Variants in MAPRE2 observed in about 807,000 individuals in gnomAD.
MAPRE2 encodes microtubule associated protein RP/EB family member 2, also known as microtubule-associated protein RP/EB family member 2.
MAPRE2 carries 13 observed loss-of-function variants against 43.2 expected under a neutral mutation model. That is an observed-to-expected ratio of 0.30 (90% CI 0.20 to 0.48). The LOEUF (loss-of-function observed/expected upper bound fraction) is 0.48. MAPRE2 is among the 20% of genes least tolerant of loss of function. The probability of loss-of-function intolerance (pLI) is 0.99; values close to 1 mark genes in which losing one functional copy is unlikely to be tolerated. For missense variants in MAPRE2, 161 were observed against 400.2 expected (o/e 0.40, Z 5.10); for synonymous variants, 135 against 148.8 (o/e 0.91, Z 0.68).
chr18:35,110,435 T>C (rs568358715), intron 4 of MAPRE2, among the ~76,000 whole-genome samples: 4 of 152,294 alleles, frequency 2.6e-5, no homozygotes, highest in South Asian at 2.1e-4. Flanking sequence ...AGAAAACTTA[T>C]GTGGTTCACA....
At chr18:34,978,598 A>C in intron 1 of MAPRE2, 1 of 1,493,606 alleles carries the variant, frequency 6.7e-7, no homozygotes, top group Non-Finnish European at 9.1e-7. Flanking sequence ...AATTTGGCCA[A>C]ATTTTTATCA....
At chr18:35,092,317 G>A (rs746723157) in intron 2 of MAPRE2, among the ~76,000 whole-genome samples, 38 of 152,268 alleles carry the variant, frequency 2.5e-4, no homozygotes, top group Non-Finnish European at 3.7e-4. Flanking sequence ...AAATCCACAC[G>A]TTTGTAGCCA....
At chr18:34,986,481 G>A (rs993366349) in intron 1 of MAPRE2, among the ~76,000 whole-genome samples, 14 of 152,132 alleles carry the variant, frequency 9.2e-5, no homozygotes, top group African/African-American at 3.1e-4. Flanking sequence ...GGTTCTTCCC[G>A]GGAAAGACGC....
Position 35,141,567 on chromosome 18 carries a change from A to C in MAPRE2, c.*1198A>C, listed in dbSNP as rs571391942. 6.6e-6 allele frequency: 1 copy of C among 152,342 alleles called. No homozygotes were observed. The highest frequency in any genetic ancestry group is 1.5e-5 in the Non-Finnish European group (1 of 68,028). The allele number at this position is 152,342 out of a possible 1,614,324, so 9.4% of individuals were successfully genotyped here. On this transcript the variant is annotated 3_prime_UTR_variant, in exon 7 of 7. Transcript: ENST00000300249. ...CTTAGCTAAACCATGGCAATTCATA[A>C]ATAGAGGAAACATTAATGAATTAAA...
chr18:35,029,107 T>C (rs772296963), intron 2 of MAPRE2, among the ~76,000 whole-genome samples: 12 of 152,246 alleles, frequency 7.9e-5, no homozygotes, highest in Non-Finnish European at 1.8e-4. Context: ...GCTTGGTGTC[T>C]AAGCACTTGA....
At position 35,017,246 on chromosome 18, in the gene MAPRE2, T is replaced by TG. The variant is rs1158046826; in HGVS notation, c.-8+11693_-8+11694insG. Among the ~76,000 whole-genome samples, 47 of 12,808 alleles carry TG rather than the reference T, an allele frequency of 3.7e-3. No homozygotes were observed. The Middle Eastern group carries it at 0.17, about 45-fold the overall frequency. The allele number at this position is 12,808 out of a possible 152,430, so 8.4% of individuals were successfully genotyped here. ...AATGTGATGCCTCCGGTTTTGTTGT[T>TG]TTTTTTTTTTTTTTTTGCATAGGAT... On this transcript the variant is annotated intron_variant, in intron 2 of 7. Transcript: ENST00000413393.
intron 1 of MAPRE2, among the ~76,000 whole-genome samples, chr18:35,005,108 T>C (rs992382978): frequency 6.6e-6 from 1 of 152,148 alleles, no homozygotes; most frequent in Non-Finnish European, 1.5e-5. Flanking sequence ...TAATTGATGT[T>C]GGTATTTGAT....
chr18:35,029,608 T>C (rs1036908898), intron 2 of MAPRE2, among the ~76,000 whole-genome samples: 2 of 152,218 alleles, frequency 1.3e-5, no homozygotes, highest in Non-Finnish European at 2.9e-5. Flanking sequence ...GTTAGTTGAT[T>C]TTTAAGAACC....
At chr18:34,987,277 A>T (rs1243344015) in intron 1 of MAPRE2, among the ~76,000 whole-genome samples, 1 of 152,238 alleles carries the variant, frequency 6.6e-6, no homozygotes, top group Non-Finnish European at 1.5e-5. Context: ...TCAAAGTGAG[A>T]TTCCAAGTGA....
intron 1 of MAPRE2, among the ~76,000 whole-genome samples, chr18:34,997,294 T>C (rs964965170): frequency 6.6e-6 from 1 of 152,150 alleles, no homozygotes; most frequent in Non-Finnish European, 1.5e-5. Flanking sequence ...TTCCATAGCA[T>C]TTAGGGGATC....
At chr18:35,071,899 T>G (rs533825054) in intron 2 of MAPRE2, among the ~76,000 whole-genome samples, 1 of 152,344 alleles carries the variant, frequency 6.6e-6, no homozygotes, top group South Asian at 2.1e-4. Flanking sequence ...TGCCTAGGTC[T>G]CAGACATGAA....
chr18:35,050,505 G>A (rs1201001965), intron 1 of MAPRE2, among the ~76,000 whole-genome samples: 1 of 152,222 alleles, frequency 6.6e-6, no homozygotes, highest in Non-Finnish European at 1.5e-5. Context: ...GAAGCTGCCT[G>A]TGTGTTTTGT....
chr18:35,069,247 A>G (rs544733872), intron 1 of MAPRE2, among the ~76,000 whole-genome samples: 2 of 152,370 alleles, frequency 1.3e-5, no homozygotes, highest in East Asian at 3.9e-4. Flanking sequence ...TAAAGAATGT[A>G]TCAAAGAATC....
intron 1 of MAPRE2, among the ~76,000 whole-genome samples, chr18:35,042,145 TTGATGGAG>T (rs1905401132): frequency 1.3e-5 from 2 of 152,160 alleles, no homozygotes; most frequent in Admixed American, 6.5e-5. Flanking sequence ...AACCGCCAGA[TTGATGGAG>T]CTTTGTAAGA....
chr18:35,063,318 A>G (rs548332665), intron 1 of MAPRE2, among the ~76,000 whole-genome samples: 33 of 152,126 alleles, frequency 2.2e-4, no homozygotes, highest in Non-Finnish European at 3.7e-4. Context: ...CGTGTTAGCC[A>G]GGATGGTCTT....
intron 4 of MAPRE2, among the ~76,000 whole-genome samples, chr18:35,117,938 A>G (rs182765682): frequency 6.6e-6 from 1 of 152,234 alleles, no homozygotes; most frequent in South Asian, 2.1e-4. Context: ...GCTTTCCTGC[A>G]TTTTTCCCCC....
intron 4 of MAPRE2, among the ~76,000 whole-genome samples, chr18:35,102,653 A>G (rs1350346541): frequency 6.6e-6 from 1 of 152,182 alleles, no homozygotes; most frequent in East Asian, 1.9e-4. Context: ...ACATTCAGCA[A>G]TACCCTATTT....
intron 4 of MAPRE2, among the ~76,000 whole-genome samples, chr18:35,108,745 T>C (rs1213489317): frequency 6.6e-6 from 1 of 151,990 alleles, no homozygotes; most frequent in African/African-American, 2.4e-5. Flanking sequence ...TTTTTTTTTT[T>C]CATATGTTTG....
chr18:35,082,723 G>A (rs1907701953), intron 2 of MAPRE2, among the ~76,000 whole-genome samples: 1 of 151,940 alleles, frequency 6.6e-6, no homozygotes, highest in African/African-American at 2.4e-5. Flanking sequence ...AAGCTCCTTG[G>A]GGACTGAAAT....
Sources: gnomAD v4.1 joint callset for allele counts (sites outside exome capture counted in the v4.1 genomes callset) on GRCh38, gnomAD v4.1.1 for gene constraint, MANE v1.5 for transcripts, NCBI Gene and HGNC (gene_info 2026-07-23, HGNC 2026-07-21) for gene names.